The following CENPE variants were observed in gnomAD, a reference collection of about 807,000 sequenced individuals.
The protein encoded by CENPE is centromere-associated protein E.
Under a neutral mutation model 336.1 loss-of-function variants are expected in CENPE, and 145 were observed. That is an observed-to-expected ratio of 0.43 (90% confidence interval 0.38 to 0.50). The LOEUF (loss-of-function observed/expected upper bound fraction) is 0.50, where lower values mean the gene tolerates loss of function less well. CENPE is among the 20% of genes least tolerant of loss of function. The pLI is 0.00. For missense variants in CENPE, 2,719 were observed against 3,023.3 expected (o/e 0.90, Z 2.36); for synonymous variants, 1,013 against 984.8 (o/e 1.03, Z -0.54).
Position 103,108,874 on chromosome 4 carries a change from C to T in CENPE, c.7940G>A (p.Ser2647Asn). 6.2e-7 allele frequency: 1 copy of T among 1,613,910 alleles called. No homozygotes were observed. The highest frequency in any genetic ancestry group is 8.5e-7 in the Non-Finnish European group (1 of 1,179,856). The change falls in exon 48 of 49, where the codon AGC becomes AAC. Residue 2647 changes from serine to asparagine, a missense_variant. This residue lies in a region of CENPE where 2,437 missense variants were observed against 2,513.3 expected (regional missense o/e 0.97). Coordinates refer to ENST00000265148, the MANE Select transcript of CENPE (RefSeq NM_001813.3). ...AGGTGATGGTAAAGACTTTGATCGG[C>T]TATCAAAAAAACAAGATTTTGGTGA... ...KESPKSCFFD[S>N]RSKSLPSPHP...
In CENPE at chr4:103,181,418, A is replaced by G. The variant is rs779082086; in HGVS notation, c.1002T>C (p.Tyr334=). The change falls in exon 12 of 49, where the codon TAT becomes TAC. Residue 334 remains tyrosine (Y), a synonymous_variant. Transcript: ENST00000265148. ...CTTCATCAGTTGATACCTCATTAAC[A>G]TAAGGAGTATTCTTCATATATTTAG... ...STAKYMKNTP[Y]VNEVSTDEAL... is the part of the protein sequence containing the mutation. The G allele has an allele frequency of 6.3e-7, 1 of 1,575,598 alleles. No homozygotes were observed. Among genetic ancestry groups the G allele is most frequent in the Non-Finnish European group, 8.6e-7 (1 of 1,161,992 alleles).
rs139854980 is a variant in CENPE at position 103,143,288 on chromosome 4, T to C, written c.5264A>G (p.Gln1755Arg). 3 of 1,607,552 alleles carry C rather than the reference T, an allele frequency of 1.9e-6. No individual in the cohort carries two copies. The highest frequency in any genetic ancestry group is 2.2e-5 in the East Asian group (1 of 44,738). The stretch of plus-strand genomic sequence containing the variant: ...ATCATTTGAGTGTTCTAAGTCCTTT[T>C]GCATATTTGATATTTCATTTGTTTT... ...SEKTNEISNM[Q>R]KDLEHSNDAL... is the part of the protein sequence containing the mutation. The change falls in exon 34 of 49, where the codon CAA becomes CGA. Residue 1755 changes from glutamine (Q) to arginine (R), a missense_variant. This residue lies in a region of CENPE where 2,437 missense variants were observed against 2,513.3 expected (regional missense o/e 0.97). Transcript: ENST00000265148.
intron 46 of CENPE, 32 bp from the exon 47 acceptor site, chr4:103,111,043 A>T: frequency 1.4e-6 from 2 of 1,456,098 alleles, no homozygotes; most frequent in Non-Finnish European, 1.9e-6. Flanking sequence ...ATAGGTGATA[A>T]TTTTAATTGT....
At chr4:103,108,701 A>G in intron 48 of CENPE, 102 bp downstream of exon 48, 1 of 1,120,286 alleles carries the variant, frequency 8.9e-7, no homozygotes, top group East Asian at 2.5e-5. Flanking sequence ...AGCTTACTCA[A>G]CTAAATCATC....
intron 43 of CENPE, 46 bp downstream of exon 43, chr4:103,122,825 G>T: frequency 7.1e-7 from 1 of 1,415,792 alleles, no homozygotes; most frequent in Non-Finnish European, 1.0e-6. Context: ...TCTAAACTCT[G>T]TGATGAAGCT....
Position 103,182,911 on chromosome 4 carries a change from A to T in CENPE, c.834-20T>A. On this transcript the variant is annotated intron_variant, in intron 10 of 48. Transcript: ENST00000265148. ...AAACCACTTAGCAAGGAATAAGTTT[A>T]CAGGAGAAAAAGATTGAGAACGTTT... 1.2e-6 allele frequency: 2 copies of T among 1,604,796 alleles called. No individual in the cohort carries two copies. The highest frequency in any genetic ancestry group is 8.5e-7 in the Non-Finnish European group (1 of 1,175,524).
Position 103,153,104 on chromosome 4 carries a change from C to T in CENPE, c.3180G>A (p.Glu1060=), listed in dbSNP as rs1753690856. ...ATTGTTCCTTTTCTGCTATAACACT[C>T]TCTAACATTTGTTGGAGTTCATTTT... The part of the protein sequence containing the change: ...QEKNELQQML[E]SVIAEKEQLK... The change falls in exon 25 of 49, where the codon GAG becomes GAA. Residue 1060 remains glutamate, a synonymous_variant. Transcript: ENST00000265148. 2.5e-6 allele frequency: 4 copies of T among 1,613,200 alleles called. No homozygotes were observed. Among genetic ancestry groups the T allele is most frequent in the Non-Finnish European group, 3.4e-6 (4 of 1,179,594 alleles).
At chr4:103,128,359 C>A (rs72944933) in intron 42 of CENPE, among the ~76,000 whole-genome samples, 1,550 of 152,210 alleles carry the variant, frequency 0.01, 31 homozygotes, top group African/African-American at 0.035. Context: ...TGAACAGATC[C>A]ACCAGGCAGA....
chr4:103,124,025 G>A (rs1000422542), intron 42 of CENPE, among the ~76,000 whole-genome samples: 9 of 152,102 alleles, frequency 5.9e-5, no homozygotes, highest in African/African-American at 2.2e-4. Context: ...ATAGTATATT[G>A]TTAAAATTGT....
chr4:103,138,145 G>A (rs1184945497), intron 39 of CENPE, among the ~76,000 whole-genome samples: 1 of 152,084 alleles, frequency 6.6e-6, no homozygotes, highest in East Asian at 1.9e-4. Context: ...TTTCTGGTGA[G>A]GACTTAAATT....
At chr4:103,195,435 G>A (rs1757663728) in intron 4 of CENPE, among the ~76,000 whole-genome samples, 1 of 151,990 alleles carries the variant, frequency 6.6e-6, no homozygotes, top group Non-Finnish European at 1.5e-5. Flanking sequence ...CCATAAAGCT[G>A]GGAGAACACC....
rs765243925 is a variant in CENPE at position 103,182,843 on chromosome 4, A to T, written c.882T>A (p.Asn294Lys). The T allele has an allele frequency of 2.5e-5, 40 of 1,612,718 alleles. No homozygotes were observed. The highest frequency in any genetic ancestry group is 3.4e-5 in the Non-Finnish European group (40 of 1,179,110). ...GTGTCTTTGCATTTCCTCCCAAGGA[A>T]TTCTGGAGAATTCGTGTTAACTTGC... Reference protein sequence around the residue: ...RDSKLTRILQNSLGGNAKTRI... With the variant: ...RDSKLTRILQKSLGGNAKTRI... Residue 294 changes from asparagine to lysine, a missense_variant, in exon 11 of 49, where the codon AAT (asparagine) becomes AAA (lysine). Coordinates refer to ENST00000265148, the MANE Select transcript of CENPE (RefSeq NM_001813.3).
At chr4:103,112,445 A>G (rs1159453899) in intron 46 of CENPE, among the ~76,000 whole-genome samples, 2 of 145,622 alleles carry the variant, frequency 1.4e-5, no homozygotes, top group African/African-American at 2.5e-5. Context: ...ACATACATAT[A>G]CTTATATATA....
At position 103,136,252 on chromosome 4, in the gene CENPE, T is replaced by G. The variant is rs374711881; in HGVS notation, c.6411A>C (p.Arg2137Ser). 1 of 1,613,686 alleles carries G rather than the reference T, an allele frequency of 6.2e-7. No individual in the cohort carries two copies. Among genetic ancestry groups the G allele is most frequent in the African/African-American group, 1.3e-5 (1 of 74,920 alleles). The change falls in exon 40 of 49, where the codon AGA (arginine) becomes AGC (serine). Residue 2137 changes from arginine (R) to serine (S), a missense_variant. Physicochemically the swap from Arg to Ser is moderately radical, Grantham distance 110. Coordinates refer to ENST00000265148, the MANE Select transcript of CENPE (RefSeq NM_001813.3). ...AGGGAAGTGAGAGGTTTGCTTTAAC[T>G]CTCATTGAAAGCTCTTTTTGGAATT... ...EIEFQKELSMRVKANLSLPYL... is the reference protein window; with the variant it reads ...EIEFQKELSMSVKANLSLPYL...
chr4:103,182,803 T>C lies in CENPE; in HGVS notation c.922A>G (p.Ile308Val). ...GNAKTRIICTITPVSFDETLT... is the reference protein window; with the variant it reads ...GNAKTRIICTVTPVSFDETLT... ...GTTTCATCAAAAGATACTGGAGTAA[T>C]TGTGCAGATAATACGTGTCTTTGCA... Residue 308 changes from isoleucine (I) to valine (V), a missense_variant, in exon 11 of 49, where the codon ATT becomes GTT. Ile to Val is a conservative substitution (Grantham distance 29, BLOSUM62 3). This residue lies in a region of CENPE where 117 missense variants were observed against 215.8 expected (regional missense o/e 0.54). Transcript: ENST00000265148. 1 of 1,612,326 alleles carries C rather than the reference T, an allele frequency of 6.2e-7. No individual in the cohort carries two copies. Among genetic ancestry groups the C allele is most frequent in the East Asian group, 2.2e-5 (1 of 44,746 alleles).
chr4:103,116,251 T>TACACACAC lies in CENPE; in HGVS notation c.7442+318_7442+325dup, dbSNP rs58894383. The TACACACAC allele has an allele frequency of 0.11, 16,119 of 149,900 alleles. 916 individuals carry two copies. The highest frequency in any genetic ancestry group is 0.12 in the Non-Finnish European group (8,309 of 68,050). 9.3% of individuals were successfully genotyped at this position (149,900 alleles called of 1,614,324 possible). Reference sequence around the variant, plus strand: ...CAGAAGCCTTAGTAAAACTGCTAAATACACACACACACACACACACACACA... The same window carrying TACACACAC: ...CAGAAGCCTTAGTAAAACTGCTAAATACACACACACACACACACACACACACACACACA... On this transcript the variant is annotated intron_variant, in intron 45 of 48. Transcript: ENST00000265148.
At position 103,139,893 on chromosome 4, in the gene CENPE, T is replaced by C; in HGVS notation, c.6100A>G (p.Ile2034Val). Residue 2034 changes from isoleucine to valine, a missense_variant, in exon 38 of 49, where the codon ATA (isoleucine) becomes GTA (valine). By Grantham distance (29) the Ile-to-Val change is conservative. Coordinates refer to ENST00000265148, the MANE Select transcript of CENPE (RefSeq NM_001813.3). ...TCTCTTTCTTTAGCTACAATTCTTA[T>C]TTCTTCAAGGCTTTCATGAAGTTTC... ...TKKLHESLEE[I>V]RIVAKERDEL... 6.2e-7 allele frequency: 1 copy of C among 1,613,374 alleles called. No homozygotes were observed. The highest frequency in any genetic ancestry group is 8.5e-7 in the Non-Finnish European group (1 of 1,179,574).
intron 42 of CENPE, among the ~76,000 whole-genome samples, chr4:103,125,978 G>T (rs769383007): frequency 2.6e-5 from 4 of 152,058 alleles, no homozygotes; most frequent in Non-Finnish European, 5.9e-5. Flanking sequence ...CAGGGCAAAG[G>T]GATGCTCCCC....
Position 103,163,257 on chromosome 4 carries a change from C to A in CENPE, c.1723-1G>T. 1 of 1,603,928 alleles carries A rather than the reference C, an allele frequency of 6.2e-7. No individual in the cohort carries two copies. The highest frequency in any genetic ancestry group is 1.1e-5 in the South Asian group (1 of 89,700). ...GCTCTACTTTTGAACTGAGTTCATT[C>A]TAAAAGAATCAAAGGAGAGAGTAAC... On this transcript the variant is annotated splice_acceptor_variant, in intron 17 of 48. Coordinates refer to ENST00000265148, the MANE Select transcript of CENPE (RefSeq NM_001813.3). LOFTEE classifies it high-confidence loss of function.
Sources: gnomAD v4.1 joint callset for allele counts (sites outside exome capture counted in the v4.1 genomes callset) on GRCh38, gnomAD v4.1.1 for gene constraint, gnomAD v4.1.1 regional missense constraint, MANE v1.5 for transcripts, NCBI Gene and HGNC (gene_info 2026-07-23, HGNC 2026-07-21) for gene names.